Variants in AKR1B10 observed in about 807,000 individuals in gnomAD.
AKR1B10 encodes the protein aldo-keto reductase family 1 member B10.
In AKR1B10, 39 loss-of-function variants were observed where a neutral mutation model predicts 38.9. The ratio of observed to expected loss-of-function variants is 1.00; its 90% CI spans 0.78 to 1.31. The LOEUF is 1.31. AKR1B10 is among the 50% of genes most tolerant of loss of function. AKR1B10 has a pLI of 0.00. For synonymous variants in AKR1B10, 148 were observed against 141.2 expected (o/e 1.05, Z -0.34); for missense variants, 361 against 382.6 (o/e 0.94, Z 0.47).
chr7:134,536,553 G>A (rs1585755609), intron 4 of AKR1B10, 97 bp from the exon 5 acceptor site: 3 of 1,523,616 alleles, frequency 2.0e-6, no homozygotes, highest in Non-Finnish European at 2.6e-6. Context: ...TGTTACGGTG[G>A]ATCCTTTAGC....
intron 2 of AKR1B10, 110 bp downstream of exon 2, chr7:134,530,920 T>G: frequency 7.1e-7 from 1 of 1,402,076 alleles, no homozygotes; most frequent in Non-Finnish European, 9.7e-7. Context: ...CCCCTTTTCA[T>G]CTCTGCCTTG....
chr7:134,541,339 G>A lies in AKR1B10; in HGVS notation c.*250G>A, dbSNP rs56375251. The stretch of plus-strand genomic sequence containing the variant: ...TTCCACTTATCTGATCAGAACAAAT[G>A]TTTATTAAGCATCAGAAACTCTGCC... On this transcript the variant is annotated 3_prime_UTR_variant, in exon 10 of 10. Coordinates refer to ENST00000359579, the MANE Select transcript of AKR1B10 (RefSeq NM_020299.5). 3,597 of 402,596 alleles carry A rather than the reference G, an allele frequency of 8.9e-3. 33 individuals carry two copies. Among genetic ancestry groups the A allele is most frequent in the Middle Eastern group, 0.015 (23 of 1,490 alleles). The allele number at this position is 402,596 out of a possible 1,614,324, so 24.9% of individuals were successfully genotyped here. A position where few individuals can be genotyped will look rare whatever the true frequency, so the allele number is the denominator to read the frequency against.
At chr7:134,532,057 T>C (rs766828447) in intron 3 of AKR1B10, 33 bp downstream of exon 3, 19 of 1,612,626 alleles carry the variant, frequency 1.2e-5, no homozygotes, top group Non-Finnish European at 1.5e-5. Flanking sequence ...GCCTCTAGTT[T>C]CTGAGCAGGT....
intron 1 of AKR1B10, among the ~76,000 whole-genome samples, chr7:134,529,464 A>C (rs1280125074): frequency 6.6e-6 from 1 of 152,216 alleles, no homozygotes; most frequent in African/African-American, 2.4e-5. Flanking sequence ...AGAATTATGA[A>C]GGGAGCTGTC....
rs906090286 is a variant in AKR1B10 at position 134,531,777 on chromosome 7, T to A, written c.235-131T>A. ...GTGATGTTCCACACTGTGTCGTGGA[T>A]CTTAATCAGCTTTGTTACAAATGGC... On this transcript the variant is annotated intron_variant, in intron 2 of 9. Coordinates refer to ENST00000359579, the MANE Select transcript of AKR1B10 (RefSeq NM_020299.5). The A allele has an allele frequency of 3.0e-6, 3 of 1,014,462 alleles. No individual in the cohort carries two copies. In the African/African-American group the frequency reaches 4.8e-5, roughly 16 times the overall value. The allele number at this position is 1,014,462 out of a possible 1,614,324, so 62.8% of individuals were successfully genotyped here.
intron 1 of AKR1B10, among the ~76,000 whole-genome samples, chr7:134,528,996 T>G (rs1240571136): frequency 1.3e-5 from 2 of 152,134 alleles, no homozygotes; most frequent in Non-Finnish European, 2.9e-5. Context: ...CGAGCCTCTG[T>G]TAGGCTAAGT....
At chr7:134,536,983 A>G in intron 5 of AKR1B10, 68 bp from the exon 6 acceptor site, 1 of 1,555,082 alleles carries the variant, frequency 6.4e-7, no homozygotes, top group South Asian at 1.2e-5. Flanking sequence ...TTTTGTGTGT[A>G]GAACTCCCTA....
intron 3 of AKR1B10, 106 bp from the exon 4 acceptor site, chr7:134,532,898 G>A (rs1040768793): frequency 1.2e-6 from 1 of 860,938 alleles, no homozygotes; most frequent in African/African-American, 1.7e-5. Flanking sequence ...TGAAAAAGTG[G>A]TATGCAGATG....
At chr7:134,538,003 G>T (rs1156414642) in intron 7 of AKR1B10, 191 bp from the exon 8 acceptor site, 1 of 656,838 alleles carries the variant, frequency 1.5e-6, no homozygotes, top group African/African-American at 1.8e-5. Context: ...AAGATCACAG[G>T]GTTGTCTCTA....
rs763655379 is a variant in AKR1B10 at position 134,537,580 on chromosome 7, G to A, written c.660G>A (p.Trp220Ter). 54 of 1,613,622 alleles carry A rather than the reference G, an allele frequency of 3.3e-5. No homozygotes were observed. The highest frequency in any genetic ancestry group is 3.6e-5 in the Non-Finnish European group (42 of 1,179,844). ...YSPLGSPDRP[W>*]AKPEDPSLLE... ...CACATCAGCATCTTTCTGCCCCTAG[G>A]GCCAAGCCAGAAGACCCTTCCCTGC... is the stretch of plus-strand genomic sequence containing the variant. Residue 220 changes from tryptophan (W) to a stop codon, truncating the protein, a stop_gained and splice_region_variant, in exon 7 of 10, where the codon TGG (tryptophan) becomes TGA (stop). Coordinates refer to ENST00000359579, the MANE Select transcript of AKR1B10 (RefSeq NM_020299.5). LOFTEE classifies it high-confidence loss of function.
At chr7:134,528,010 T>C in intron 1 of AKR1B10, 33 bp downstream of exon 1, 3 of 1,610,110 alleles carry the variant, frequency 1.9e-6, no homozygotes, top group Non-Finnish European at 2.5e-6. Flanking sequence ...ACCCTTCTTC[T>C]CTGGAGGGGC....
intron 1 of AKR1B10, 91 bp from the exon 2 acceptor site, chr7:134,530,552 C>T (rs1291418943): frequency 1.6e-5 from 23 of 1,439,098 alleles, no homozygotes; most frequent in Non-Finnish European, 2.1e-5. Flanking sequence ...GTTGCTTGAA[C>T]CTGGGAGTGT....
chr7:134,532,326 C>T (rs1314190534), intron 3 of AKR1B10, among the ~76,000 whole-genome samples: 1 of 152,156 alleles, frequency 6.6e-6, no homozygotes, highest in Non-Finnish European at 1.5e-5. Context: ...TGTCTTGATT[C>T]CACGCCCCAG....
At chr7:134,528,021 G>C (rs370608251) in intron 1 of AKR1B10, 44 bp downstream of exon 1, 2 of 1,604,424 alleles carry the variant, frequency 1.2e-6, no homozygotes, top group South Asian at 1.1e-5. Flanking sequence ...CTGGAGGGGC[G>C]TTTGGGTGTT....
chr7:134,531,393 T>C (rs559623595), intron 2 of AKR1B10, among the ~76,000 whole-genome samples: 2 of 152,278 alleles, frequency 1.3e-5, no homozygotes, highest in East Asian at 3.9e-4. Context: ...TCTAGGTACT[T>C]GGAAAATGCA....
chr7:134,534,509 G>C (rs76568619), intron 4 of AKR1B10, among the ~76,000 whole-genome samples: 2 of 152,200 alleles, frequency 1.3e-5, no homozygotes, highest in East Asian at 3.9e-4. Flanking sequence ...CCTGCTTCTC[G>C]CAGTGCTGTT....
intron 7 of AKR1B10, 108 bp downstream of exon 7, chr7:134,537,769 G>A: frequency 7.5e-7 from 1 of 1,328,076 alleles, no homozygotes; most frequent in African/African-American, 1.5e-5. Context: ...GAATATAGGA[G>A]CTGAAGCCCT....
intron 9 of AKR1B10, 80 bp downstream of exon 9, chr7:134,539,097 G>T: frequency 6.4e-7 from 1 of 1,557,368 alleles, no homozygotes; most frequent in Non-Finnish European, 8.8e-7. Context: ...GGATTGGAAG[G>T]CTGCTGGGAC....
At chr7:134,537,691 A>G in intron 7 of AKR1B10, 30 bp downstream of exon 7, 1 of 1,610,460 alleles carries the variant, frequency 6.2e-7, no homozygotes. Context: ...CTTGTTATCC[A>G]ACAACTCATT....
Sources: allele counts gnomAD v4.1 joint callset (sites outside exome capture counted in the v4.1 genomes callset), GRCh38; gene constraint gnomAD v4.1.1; transcripts MANE v1.5; gene names NCBI Gene and HGNC (gene_info 2026-07-23, HGNC 2026-07-21).